SAMD13: variants seen among roughly 807,000 people sequenced by gnomAD.
SAMD13 encodes the protein sterile alpha motif domain-containing protein 13.
Under a neutral mutation model 12.4 loss-of-function variants are expected in SAMD13, and 9 were observed. The observed-to-expected ratio is 0.72, with a 90% confidence interval of 0.44 to 1.26. The LOEUF is 1.26. SAMD13 is among the 50% of genes most tolerant of loss of function. SAMD13 has a pLI of 0.00. For synonymous variants in SAMD13, 46 were observed against 45.4 expected, an observed-to-expected ratio of 1.01 and a Z score of -0.05; for missense variants, 84 against 119.6, an observed-to-expected ratio of 0.70 and a Z score of 1.39.
intron 3 of SAMD13, among the ~76,000 whole-genome samples, chr1:84,331,277 TCCAG>T (rs1233039135): frequency 8.1e-6 from 1 of 123,130 alleles, no homozygotes; most frequent in African/African-American, 3.2e-5. Context: ...CAGGGACAAA[TCCAG>T]GTTCTGTGGA....
intron 3 of SAMD13, among the ~76,000 whole-genome samples, chr1:84,328,260 A>G (rs779490417): frequency 3.9e-5 from 6 of 152,188 alleles, no homozygotes; most frequent in African/African-American, 1.2e-4. Flanking sequence ...TTCTGTCCCA[A>G]TGGACACTGG....
chr1:84,308,231 T>C (rs4907056), intron 2 of SAMD13, among the ~76,000 whole-genome samples: 3,449 of 152,292 alleles, frequency 0.023, 59 homozygotes, highest in Non-Finnish European at 0.035. Flanking sequence ...TGACTGGAAG[T>C]AGAAGTTCCA....
At chr1:84,344,254 A>G (rs1320177188) in intron 3 of SAMD13, among the ~76,000 whole-genome samples, 2 of 152,170 alleles carry the variant, frequency 1.3e-5, no homozygotes, top group African/African-American at 4.8e-5. Flanking sequence ...CTGTTACTTC[A>G]ACAAATGAAA....
At chr1:84,326,447 A>G (rs1163028163) in intron 3 of SAMD13, among the ~76,000 whole-genome samples, 2 of 152,142 alleles carry the variant, frequency 1.3e-5, no homozygotes, top group Non-Finnish European at 2.9e-5. Flanking sequence ...CAGGGATGGT[A>G]TTAGAAAGAG....
intron 3 of SAMD13, among the ~76,000 whole-genome samples, chr1:84,330,996 A>G (rs1001739860): frequency 6.6e-6 from 1 of 152,136 alleles, no homozygotes; most frequent in Non-Finnish European, 1.5e-5. Context: ...GAAATGCCCA[A>G]CTGGTTGCTT....
Position 84,306,072 on chromosome 1 carries a change from T to A in SAMD13, c.53+2785T>A, listed in dbSNP as rs189493818. On this transcript the variant is annotated intron_variant, in intron 2 of 3. Coordinates refer to ENST00000394834, the MANE Select transcript of SAMD13 (RefSeq NM_001134663.2). ...GAATTATATATCAATTTGAAGAGAG[T>A]TGGTATTTTAACAATATTGTGTCTT... Among the ~76,000 whole-genome samples the A allele has an allele frequency of 2.1e-3, 317 of 152,230 alleles. 1 individual carries two copies. The highest frequency in any genetic ancestry group is 6.8e-3 in the Middle Eastern group (2 of 294).
chr1:84,340,307 A>G (rs1360690499), intron 3 of SAMD13, among the ~76,000 whole-genome samples: 2 of 152,268 alleles, frequency 1.3e-5, no homozygotes, highest in African/African-American at 4.8e-5. Context: ...AAAACATGTT[A>G]AATGAAATAA....
At chr1:84,330,828 AACTT>A (rs1252555755) in intron 3 of SAMD13, among the ~76,000 whole-genome samples, 1 of 152,208 alleles carries the variant, frequency 6.6e-6, no homozygotes, top group Non-Finnish European at 1.5e-5. Flanking sequence ...AGATTTCTCA[AACTT>A]ACAAGCAACA....
At position 84,325,640 on chromosome 1, in the gene SAMD13, C is replaced by T. The variant is rs761375892; in HGVS notation, c.57C>T (p.Ser19=). ...TGTCTGGATTTGTGTTTTGCAGTTC[C>T]ATGGAAAATGGGAGACCACCTGATC... The part of the protein sequence containing the change: ...KENGSVGVKN[S]MENGRPPDPA... The change falls in exon 3 of 4, where the codon TCC becomes TCT. Residue 19 remains serine (S), a synonymous_variant. Coordinates refer to ENST00000394834, the MANE Select transcript of SAMD13 (RefSeq NM_001134663.2). 5.6e-6 allele frequency: 9 copies of T among 1,602,638 alleles called. No individual in the cohort carries two copies. The highest frequency in any genetic ancestry group is 1.7e-5 in the Admixed American group (1 of 59,960).
chr1:84,302,087 T>G (rs1241460774), intron 1 of SAMD13: 3 of 152,164 alleles, frequency 2.0e-5, no homozygotes, highest in Non-Finnish European at 4.4e-5. Context: ...TCTAAGTGGT[T>G]TGCAGCTGGA....
rs562613929 is a variant in SAMD13, at chr1:84,306,980, T to C, written c.53+3693T>C. 2.0e-5 allele frequency among the ~76,000 whole-genome samples: 3 copies of C among 152,234 alleles called. No homozygotes were observed. The South Asian group carries it at 6.2e-4, about 32-fold the overall frequency. On this transcript the variant is annotated intron_variant, in intron 2 of 3. Transcript: ENST00000394834. ...TCTGTATACTTTTAGATATTCTCTT[T>C]ATCATTGGTGTCTTAAGCAATTTGG...
chr1:84,299,768 G>A (rs1678407936), upstream of SAMD13: 1 of 393,140 alleles, frequency 2.5e-6, no homozygotes, highest in Non-Finnish European at 3.9e-6. Context: ...ATAATTTAGA[G>A]TGTCTTTGTG....
At chr1:84,344,629 C>A in intron 3 of SAMD13, 1 of 299,908 alleles carries the variant, frequency 3.3e-6, no homozygotes, top group South Asian at 3.2e-5. Flanking sequence ...TATGGAAATT[C>A]TTCCAAAAAT....
upstream of SAMD13, among the ~76,000 whole-genome samples, chr1:84,299,018 C>T (rs1170719970): frequency 6.6e-6 from 1 of 152,172 alleles, no homozygotes. Flanking sequence ...GGCTCTGGGC[C>T]GGCGCTGCTG....
chr1:84,307,915 G>C (rs1257468173), intron 2 of SAMD13, among the ~76,000 whole-genome samples: 1 of 152,084 alleles, frequency 6.6e-6, no homozygotes, highest in East Asian at 1.9e-4. Flanking sequence ...AACCTTCAAG[G>C]TTTGTTCCCC....
At chr1:84,305,232 T>C (rs1340391950) in intron 2 of SAMD13, among the ~76,000 whole-genome samples, 1 of 152,172 alleles carries the variant, frequency 6.6e-6, no homozygotes, top group Non-Finnish European at 1.5e-5. Flanking sequence ...TGTTTTATGT[T>C]TTCAGTTTTA....
intron 3 of SAMD13, among the ~76,000 whole-genome samples, chr1:84,347,705 T>G (rs1679561486): frequency 1.3e-5 from 2 of 152,120 alleles, no homozygotes; most frequent in Admixed American, 1.3e-4. Flanking sequence ...AGCGTGAGCT[T>G]TAAGGTTACA....
At chr1:84,306,487 A>C (rs892467328) in intron 2 of SAMD13, among the ~76,000 whole-genome samples, 1 of 151,830 alleles carries the variant, frequency 6.6e-6, no homozygotes, top group Non-Finnish European at 1.5e-5. Context: ...ACTGAGTAGA[A>C]CCTTCAGTGA....
chr1:84,325,790 C>T (rs936348601), intron 3 of SAMD13, 42 bp downstream of exon 3: 12 of 1,162,164 alleles, frequency 1.0e-5, no homozygotes, highest in Middle Eastern at 1.9e-4. Flanking sequence ...ATGTGATGAA[C>T]CCACAGTTAC....
Sources: allele counts gnomAD v4.1 joint callset (sites outside exome capture counted in the v4.1 genomes callset), GRCh38; gene constraint gnomAD v4.1.1; transcripts MANE v1.5; gene names NCBI Gene and HGNC (gene_info 2026-07-23, HGNC 2026-07-21).